Variants in ANXA11 observed in about 807,000 individuals in gnomAD.
ANXA11 encodes 56 kDa autoantigen.
Under a neutral mutation model 64.7 loss-of-function variants are expected in ANXA11, and 57 were observed. The ratio of observed to expected loss-of-function variants is 0.88; its 90% CI spans 0.71 to 1.10. ANXA11 has a LOEUF of 1.10. ANXA11 is among the 50% of genes least tolerant of loss of function. The pLI, the probability that ANXA11 is intolerant of heterozygous loss-of-function variation, is 0.00. For missense variants in ANXA11, 675 were observed against 670.7 expected (o/e 1.01, Z -0.07); for synonymous variants, 260 against 265.2 (o/e 0.98, Z 0.19).
At chr10:80,167,006 G>A in intron 6 of ANXA11, 22 bp from the exon 7 acceptor site, 6 of 1,544,920 alleles carry the variant, frequency 3.9e-6, no homozygotes, top group African/African-American at 1.4e-5. Flanking sequence ...GGCAGCAGGG[G>A]TGGGTCGGGT....
chr10:80,164,085 T>A lies in ANXA11; in HGVS notation c.917A>T (p.His306Leu). 1 of 1,614,128 alleles carries A rather than the reference T, an allele frequency of 6.2e-7. No homozygotes were observed. The highest frequency in any genetic ancestry group is 1.3e-5 in the African/African-American group (1 of 75,048). The change falls in exon 9 of 16, where the codon CAC becomes CTC. Residue 306 changes from histidine (H) to leucine (L), a missense_variant. Transcript: ENST00000422982. The part of the protein sequence containing the change: ...IEILASRSNE[H>L]IRELNRAYKA... The stretch of plus-strand genomic sequence containing the variant: ...GTAGGCTCTGTTTAATTCTCGGATG[T>A]GCTCATTGCTGCGGGAAGCGAGGAT...
intron 2 of ANXA11, among the ~76,000 whole-genome samples, chr10:80,174,774 T>C (rs1846107771): frequency 6.6e-6 from 1 of 152,142 alleles, no homozygotes; most frequent in Non-Finnish European, 1.5e-5. Context: ...GCCAGGCTGG[T>C]CTGAACTCCT....
chr10:80,190,746 A>G (rs1369141418), intron 1 of ANXA11, among the ~76,000 whole-genome samples: 1 of 148,330 alleles, frequency 6.7e-6, no homozygotes, highest in African/African-American at 2.4e-5. Context: ...TGGCCTCCCA[A>G]AGTGCTGGGG....
At chr10:80,162,056 G>C in intron 11 of ANXA11, 28 bp from the exon 12 acceptor site, 1 of 1,585,974 alleles carries the variant, frequency 6.3e-7, no homozygotes, top group Non-Finnish European at 8.6e-7. Flanking sequence ...CGCACATGTG[G>C]CACAGGCCAC....
chr10:80,183,274 C>A (rs556217503), intron 1 of ANXA11, among the ~76,000 whole-genome samples: 1 of 152,336 alleles, frequency 6.6e-6, no homozygotes, highest in South Asian at 2.1e-4. Context: ...TAGTCCTGTT[C>A]CAAGGATCTC....
At chr10:80,166,789 T>C (rs1407138067) in intron 7 of ANXA11, 101 bp downstream of exon 7, 7 of 886,194 alleles carry the variant, frequency 7.9e-6, no homozygotes, top group Non-Finnish European at 1.2e-5. Context: ...TTACTGTCCA[T>C]CCGGGAGATC....
chr10:80,169,251 G>C lies in ANXA11; in HGVS notation c.279C>G (p.Pro93=). The change falls in exon 5 of 16, where the codon CCC becomes CCG. Residue 93 remains proline, a synonymous_variant. Transcript: ENST00000422982. ...GAGGAACAGGCTGCTGGGCAGAGGG[G>C]GGCTGCCCAAAGCCGCCAGGGGGCA... ...PPVPPGGFGQ[P]PSAQQPVPPY... 1 of 1,611,844 alleles carries C rather than the reference G, an allele frequency of 6.2e-7. No homozygotes were observed. Among genetic ancestry groups the C allele is most frequent in the Non-Finnish European group, 8.5e-7 (1 of 1,179,544 alleles).
At position 80,155,616 on chromosome 10, in the gene ANXA11, A is replaced by G. The variant is rs927044042; in HGVS notation, c.*237T>C. 3.9e-6 allele frequency: 2 copies of G among 506,582 alleles called. No homozygotes were observed. Among genetic ancestry groups the G allele is most frequent in the Non-Finnish European group, 7.0e-6 (2 of 287,462 alleles). 31.4% of individuals were successfully genotyped at this position (506,582 alleles called of 1,614,324 possible). On this transcript the variant is annotated 3_prime_UTR_variant, in exon 16 of 16. Coordinates refer to ENST00000422982, the MANE Select transcript of ANXA11 (RefSeq NM_145868.2). Reference sequence around the variant, plus strand: ...CATGAGTCAGAAAAATGAAACATCTATTTTAGCAGCAAGAGGCTGTGAGGG... The same window carrying G: ...CATGAGTCAGAAAAATGAAACATCTGTTTTAGCAGCAAGAGGCTGTGAGGG...
intron 1 of ANXA11, among the ~76,000 whole-genome samples, chr10:80,177,083 AATTCTCCTGCCCTAGCCTCCCAAGT>A (rs1412014135): frequency 6.6e-6 from 1 of 150,868 alleles, no homozygotes; most frequent in African/African-American, 2.4e-5. Flanking sequence ...CGGTGCAAGC[AATTCTCCTGCCCTAGCCTCCCAAGT>A]AGCTGGGACT....
chr10:80,186,246 C>A (rs1260110132), intron 1 of ANXA11, among the ~76,000 whole-genome samples: 1 of 151,554 alleles, frequency 6.6e-6, no homozygotes, highest in Non-Finnish European at 1.5e-5. Context: ...AGAGAGGACC[C>A]TGGGCTATTT....
intron 1 of ANXA11, among the ~76,000 whole-genome samples, chr10:80,177,569 A>G (rs555013149): frequency 2.0e-5 from 3 of 152,080 alleles, no homozygotes; most frequent in Non-Finnish European, 4.4e-5. Flanking sequence ...TAAGCATGGC[A>G]TTTGTGTTCT....
intron 1 of ANXA11, among the ~76,000 whole-genome samples, chr10:80,198,482 C>T (rs1377141398): frequency 2.6e-5 from 4 of 152,176 alleles, no homozygotes; most frequent in Admixed American, 6.5e-5. Context: ...TGTGGCCCGG[C>T]GGCATTATAC....
Position 80,205,490 on chromosome 10 carries a change from C to G in ANXA11, c.-205G>C, listed in dbSNP as rs1564632481. 6.6e-6 allele frequency: 1 copy of G among 151,948 alleles called. No homozygotes were observed. The allele number at this position is 151,948 out of a possible 1,614,324, so 9.4% of individuals were successfully genotyped here. Reference sequence around the variant, plus strand: ...CGGGGCCCGCGGGGCACTCGGGGCACTGGGGAGCCGCGGGCGCAGCAGCCG... The same window carrying G: ...CGGGGCCCGCGGGGCACTCGGGGCAGTGGGGAGCCGCGGGCGCAGCAGCCG... On this transcript the variant is annotated 5_prime_UTR_variant, in exon 1 of 16. Transcript: ENST00000422982.
chr10:80,166,046 A>ACACGCGCG (rs765603830), intron 8 of ANXA11, 38 bp downstream of exon 8: 15 of 304,950 alleles, frequency 4.9e-5, no homozygotes, highest in Non-Finnish European at 7.2e-5. Context: ...ACGCGCGCAC[A>ACACGCGCG]CACACACACA....
rs1251476379 is a variant in ANXA11, at chr10:80,169,285, T to G, written c.245A>C (p.Tyr82Ser). 6.2e-7 allele frequency: 1 copy of G among 1,611,692 alleles called. No homozygotes were observed. The highest frequency in any genetic ancestry group is 8.5e-7 in the Non-Finnish European group (1 of 1,179,710). ...NLYPGAPGAG[Y>S]PPVPPGGFGQ... ...AAAGCCGCCAGGGGGCACTGGTGGGTAGCCAGCCCCAGGGGCCCCAGGGTA... is the reference window on the plus strand; with the variant it reads ...AAAGCCGCCAGGGGGCACTGGTGGGGAGCCAGCCCCAGGGGCCCCAGGGTA... The change falls in exon 5 of 16, where the codon TAC becomes TCC. Residue 82 changes from tyrosine (Y) to serine (S), a missense_variant. Physicochemically the swap from Tyr to Ser is moderately radical, Grantham distance 144. Coordinates refer to ENST00000422982, the MANE Select transcript of ANXA11 (RefSeq NM_145868.2).
chr10:80,205,277 G>A (rs1037627477), intron 1 of ANXA11, 66 bp downstream of exon 1: 1 of 148,334 alleles, frequency 6.7e-6, no homozygotes, highest in African/African-American at 2.5e-5. Context: ...GGCCTCACCC[G>A]CGGCGCCGCG....
At chr10:80,180,843 G>A (rs973684796) in intron 1 of ANXA11, 7 of 152,196 alleles carry the variant, frequency 4.6e-5, no homozygotes, top group African/African-American at 1.7e-4. Flanking sequence ...GTACTTTTAA[G>A]AGGCTCTACC....
At chr10:80,204,468 C>A (rs1840586724) in intron 1 of ANXA11, among the ~76,000 whole-genome samples, 1 of 152,234 alleles carries the variant, frequency 6.6e-6, no homozygotes, top group South Asian at 2.1e-4. Context: ...CAGCTCCACT[C>A]CATGCCCAGC....
At chr10:80,204,794 C>T (rs1428126751) in intron 1 of ANXA11, 2 of 152,352 alleles carry the variant, frequency 1.3e-5, no homozygotes, top group Non-Finnish European at 2.9e-5. Flanking sequence ...ATGGCTCCCG[C>T]ATTCCCTCAA....
Sources: allele counts gnomAD v4.1 joint callset (sites outside exome capture counted in the v4.1 genomes callset), GRCh38; gene constraint gnomAD v4.1.1; transcripts MANE v1.5; gene names NCBI Gene and HGNC (gene_info 2026-07-23, HGNC 2026-07-21).